Variants in ABTB3 observed in about 807,000 individuals in gnomAD.
The protein encoded by ABTB3 is ankyrin repeat and BTB domain containing 3.
chr12:107,433,356 G>A, the ABTB3 span, among the ~76,000 whole-genome samples: 1 of 150,850 alleles, frequency 6.6e-6, no homozygotes, highest in African/African-American at 2.4e-5. Context: ...AGGCAAGGGG[G>A]TTTGTTGGAT....
At chr12:107,374,079 G>A in the ABTB3 span, among the ~76,000 whole-genome samples, 108 of 152,262 alleles carry the variant, frequency 7.1e-4, no homozygotes, top group Non-Finnish European at 1.3e-3. Flanking sequence ...CATCAGCCCC[G>A]TTACCTGCAG....
At chr12:107,496,862 C>T in the ABTB3 span, among the ~76,000 whole-genome samples, 1 of 152,224 alleles carries the variant, frequency 6.6e-6, no homozygotes, top group African/African-American at 2.4e-5. Flanking sequence ...CTGTAGAGCC[C>T]ATCTACCTAA....
At chr12:107,389,758 T>C in the ABTB3 span, among the ~76,000 whole-genome samples, 2 of 151,510 alleles carry the variant, frequency 1.3e-5, no homozygotes, top group Non-Finnish European at 2.9e-5. Flanking sequence ...CTGGGATATC[T>C]AGGATGACTC....
At chr12:107,374,926 T>C in the ABTB3 span, 1 of 152,276 alleles carries the variant, frequency 6.6e-6, no homozygotes, top group Non-Finnish European at 1.5e-5. Flanking sequence ...CTGAGATCTT[T>C]GACTGTTTTC....
At chr12:107,371,332 T>A in the ABTB3 span, among the ~76,000 whole-genome samples, 1 of 152,128 alleles carries the variant, frequency 6.6e-6, no homozygotes, top group Non-Finnish European at 1.5e-5. Flanking sequence ...GTCTGTCTAG[T>A]CCCTGGGAAG....
the ABTB3 span, among the ~76,000 whole-genome samples, chr12:107,379,424 A>T: frequency 6.6e-6 from 1 of 151,984 alleles, no homozygotes; most frequent in Non-Finnish European, 1.5e-5. Flanking sequence ...ACGAGATCTG[A>T]TGGTTTTATA....
At chr12:107,587,642 A>T in the ABTB3 span, among the ~76,000 whole-genome samples, 7 of 152,168 alleles carry the variant, frequency 4.6e-5, no homozygotes, top group African/African-American at 1.7e-4. Flanking sequence ...GATAAATTTG[A>T]TGTTATGTCT....
At chr12:107,476,643 T>C in the ABTB3 span, among the ~76,000 whole-genome samples, 15 of 151,790 alleles carry the variant, frequency 9.9e-5, no homozygotes, top group African/African-American at 2.9e-4. Context: ...ATGATCAAGA[T>C]AGGCTTTCAA....
the ABTB3 span, among the ~76,000 whole-genome samples, chr12:107,508,438 CTTTTTTTTTTTTTT>C: frequency 3.8e-4 from 26 of 69,148 alleles, no homozygotes; most frequent in African/African-American, 1.3e-3. Context: ...AAGATCATTT[CTTTTTTTTTTTTTT>C]TTTTTTTTTT....
the ABTB3 span, chr12:107,580,922 C>A: frequency 6.4e-7 from 1 of 1,551,392 alleles, no homozygotes; most frequent in Admixed American, 2.0e-5. Context: ...GAAACTGAGG[C>A]CCAAGGATTC....
chr12:107,594,833 T>C, the ABTB3 span, among the ~76,000 whole-genome samples: 3 of 152,168 alleles, frequency 2.0e-5, no homozygotes, highest in African/African-American at 7.2e-5. Flanking sequence ...CTACTTGATA[T>C]ATAAAAGATG....
the ABTB3 span, among the ~76,000 whole-genome samples, chr12:107,337,769 C>T: frequency 6.6e-6 from 1 of 152,146 alleles, no homozygotes; most frequent in Non-Finnish European, 1.5e-5. Context: ...AAAACTGTGT[C>T]TAGATGTTGT....
At chr12:107,456,266 T>C in the ABTB3 span, among the ~76,000 whole-genome samples, 1 of 152,206 alleles carries the variant, frequency 6.6e-6, no homozygotes, top group Non-Finnish European at 1.5e-5. Context: ...CCCTGAGCTA[T>C]GGGCTTGTAC....
the ABTB3 span, chr12:107,635,191 C>A: frequency 9.3e-7 from 1 of 1,077,390 alleles, no homozygotes; most frequent in Admixed American, 2.1e-5. Flanking sequence ...AATGTGTGAG[C>A]TCTTATCACC....
the ABTB3 span, among the ~76,000 whole-genome samples, chr12:107,535,448 C>T: frequency 6.6e-6 from 1 of 152,038 alleles, no homozygotes; most frequent in Non-Finnish European, 1.5e-5. Flanking sequence ...AAAGAAATGG[C>T]ATCCACATCA....
At chr12:107,651,733 C>A in the ABTB3 span, 10 of 1,614,170 alleles carry the variant, frequency 6.2e-6, no homozygotes, top group Admixed American at 1.2e-4. Flanking sequence ...GTGAGATTAT[C>A]TGTGCGAAAA....
At chr12:107,474,439 G>A in the ABTB3 span, among the ~76,000 whole-genome samples, 1 of 152,316 alleles carries the variant, frequency 6.6e-6, no homozygotes, top group East Asian at 1.9e-4. Context: ...CAAACAGCGG[G>A]CTCTTTCCGA....
At chr12:107,369,878 C>G in the ABTB3 span, among the ~76,000 whole-genome samples, 1 of 151,986 alleles carries the variant, frequency 6.6e-6, no homozygotes, top group Non-Finnish European at 1.5e-5. Flanking sequence ...GGTGGTGAGG[C>G]ATAATGAAAC....
At chr12:107,531,544 C>A in the ABTB3 span, among the ~76,000 whole-genome samples, 16,412 of 152,110 alleles carry the variant, frequency 0.11, 945 homozygotes, top group African/African-American at 0.14. Flanking sequence ...AATCATCCAG[C>A]AATGTCTCCG....
Sources: gnomAD v4.1 joint callset for allele counts (sites outside exome capture counted in the v4.1 genomes callset) on GRCh38, gnomAD v4.1.1 for gene constraint, MANE v1.5 for transcripts, NCBI Gene and HGNC (gene_info 2026-07-23, HGNC 2026-07-21) for gene names.